Variants in CCNB3 observed in about 807,000 individuals in gnomAD.
CCNB3 encodes the protein G2/mitotic-specific cyclin-B3.
Under a neutral mutation model 68.0 loss-of-function variants are expected in CCNB3, and 12 were observed. That is an observed-to-expected ratio of 0.18 (90% confidence interval 0.11 to 0.29). CCNB3 has a LOEUF of 0.29. CCNB3 is among the 10% of genes least tolerant of loss of function. The probability of loss-of-function intolerance (pLI) is 1.00; values close to 1 mark genes in which losing one functional copy is unlikely to be tolerated. For synonymous variants in CCNB3, 354 were observed against 388.9 expected (o/e 0.91, Z 1.06); for missense variants, 904 against 993.1 (o/e 0.91, Z 1.21).
intron 8 of CCNB3, among the ~76,000 whole-genome samples, chrX:50,315,906 C>T (rs1341388225): frequency 9.0e-6 from 1 of 111,638 alleles, no homozygotes; most frequent in Non-Finnish European, 1.9e-5. Flanking sequence ...CCGTAATTCC[C>T]TTGAGATCCA....
chrX:50,279,134 C>CA (rs1335235277), intron 1 of CCNB3, among the ~76,000 whole-genome samples: 6 of 52,177 alleles, frequency 1.1e-4, no homozygotes, highest in Non-Finnish European at 1.9e-4. Context: ...ATATTATATT[C>CA]ATATATAAAT....
chrX:50,216,599 A>G (rs1219148378), intron 1 of CCNB3, among the ~76,000 whole-genome samples: 2 of 111,716 alleles, frequency 1.8e-5, no homozygotes, highest in Admixed American at 9.5e-5. Flanking sequence ...CACTTTGCCA[A>G]TATCTGTCTT....
intron 8 of CCNB3, among the ~76,000 whole-genome samples, chrX:50,335,867 A>T (rs900282476): frequency 9.8e-5 from 11 of 111,769 alleles, no homozygotes; most frequent in African/African-American, 3.6e-4. Context: ...AGCAAAGGCA[A>T]GGGACAGTCA....
intron 1 of CCNB3, among the ~76,000 whole-genome samples, chrX:50,279,709 T>C (rs963600623): frequency 2.2e-5 from 2 of 91,675 alleles, no homozygotes; most frequent in African/African-American, 3.9e-5. Flanking sequence ...TGTGAATATG[T>C]ATATTCATAT....
At chrX:50,345,010 T>G (rs1489634646) in intron 9 of CCNB3, among the ~76,000 whole-genome samples, 1 of 109,445 alleles carries the variant, frequency 9.1e-6, no homozygotes, top group Non-Finnish European at 1.9e-5. Context: ...CCTCCCCAGC[T>G]CCTGCCTTCC....
chrX:50,309,141 G>T lies in CCNB3; in HGVS notation c.972G>T (p.Glu324Asp), dbSNP rs3810683. ...SSIKKPTTEKETLFQELSVLQ... is the reference protein window; with the variant it reads ...SSIKKPTTEKDTLFQELSVLQ... Reference sequence around the variant, plus strand: ...TTAAGAAGCCTACCACTGAGAAGGAGACACTTTTCCAAGAGCTATCTGTAT... The same window carrying T: ...TTAAGAAGCCTACCACTGAGAAGGATACACTTTTCCAAGAGCTATCTGTAT... The change falls in exon 6 of 13, where the codon GAG becomes GAT. Residue 324 changes from glutamate to aspartate, a missense_variant. Coordinates refer to ENST00000376042, the MANE Select transcript of CCNB3 (RefSeq NM_033031.3). 8.3e-7 allele frequency: 1 copy of T among 1,211,210 alleles called. No individual in the cohort carries two copies. Among genetic ancestry groups the T allele is most frequent in the East Asian group, 3.0e-5 (1 of 33,832 alleles).
At chrX:50,279,693 CAT>C (rs1292590653) in intron 1 of CCNB3, among the ~76,000 whole-genome samples, 36 of 86,211 alleles carry the variant, frequency 4.2e-4, no homozygotes, top group Admixed American at 1.4e-3. Flanking sequence ...TCTATGCAAA[CAT>C]ATATGTGAAT....
intron 1 of CCNB3, among the ~76,000 whole-genome samples, chrX:50,226,904 AATATATAGTATATATATAGAAT>A (rs1935848128): frequency 0.025 from 1,349 of 54,214 alleles, 124 homozygotes; most frequent in African/African-American, 0.1. Context: ...ATATATATAG[AATATATAGTATATATATAGAAT>A]ATATATAGTA....
At chrX:50,307,320 T>C (rs1171897674) in intron 5 of CCNB3, among the ~76,000 whole-genome samples, 1 of 111,543 alleles carries the variant, frequency 9.0e-6, no homozygotes, top group African/African-American at 3.3e-5. Flanking sequence ...GGAGATATTA[T>C]GATCCTCATT....
chrX:50,291,953 T>C (rs1481281071), intron 4 of CCNB3, among the ~76,000 whole-genome samples: 4 of 111,520 alleles, frequency 3.6e-5, no homozygotes, highest in Non-Finnish European at 5.6e-5. Context: ...TTCAAATTTA[T>C]GAAGTGTTGC....
chrX:50,350,550 G>A (rs1923621789), intron 11 of CCNB3, among the ~76,000 whole-genome samples: 1 of 111,813 alleles, frequency 8.9e-6, no homozygotes, highest in Admixed American at 9.5e-5. Flanking sequence ...AGTTCATGTT[G>A]GCTGTGGAGT....
intron 8 of CCNB3, among the ~76,000 whole-genome samples, chrX:50,322,293 A>G (rs1922059893): frequency 1.8e-5 from 2 of 110,870 alleles, no homozygotes; most frequent in Admixed American, 1.9e-4. Context: ...CTGATCTTTG[A>G]CAAACCTGAC....
At chrX:50,345,423 G>A (rs905849120) in intron 9 of CCNB3, among the ~76,000 whole-genome samples, 1 of 100,876 alleles carries the variant, frequency 9.9e-6, no homozygotes. Flanking sequence ...TCCCTCCCTC[G>A]GTGGCTTGCT....
At chrX:50,205,716 G>A (rs1935346726) in intron 1 of CCNB3, among the ~76,000 whole-genome samples, 1 of 111,631 alleles carries the variant, frequency 9.0e-6, no homozygotes, top group Non-Finnish European at 1.9e-5. Context: ...AGCACTTTGG[G>A]AGGCTGAGGC....
rs1278381967 is a variant in CCNB3, at chrX:50,227,339, C to A, written c.-113+22389C>A. 7.1e-5 allele frequency among the ~76,000 whole-genome samples: 5 copies of A among 70,830 alleles called. No homozygotes were observed. In the Admixed American group the frequency reaches 8.4e-4, roughly 12 times the overall value. The allele number at this position is 70,830 out of a possible 115,157, so 61.5% of individuals were successfully genotyped here. A position where few individuals can be genotyped will look rare whatever the true frequency, so the allele number is the denominator to read the frequency against. Reference sequence around the variant, plus strand: ...TACAGAATATATATAAATATACACACAGAATATATATATAAATATACTCAC... The same window carrying A: ...TACAGAATATATATAAATATACACAAAGAATATATATATAAATATACTCAC... On this transcript the variant is annotated intron_variant, in intron 1 of 12. Coordinates refer to ENST00000376042, the MANE Select transcript of CCNB3 (RefSeq NM_033031.3).
At chrX:50,301,028 A>G (rs1253637677) in intron 5 of CCNB3, among the ~76,000 whole-genome samples, 1 of 108,931 alleles carries the variant, frequency 9.2e-6, no homozygotes, top group Admixed American at 9.8e-5. Flanking sequence ...CTAGTTAGCC[A>G]TTCGTCTATT....
At chrX:50,322,494 T>C (rs2147077356) in intron 8 of CCNB3, among the ~76,000 whole-genome samples, 1 of 111,516 alleles carries the variant, frequency 9.0e-6, no homozygotes, top group South Asian at 3.8e-4. Context: ...GGCAATACCA[T>C]TCAGGACATA....
chrX:50,290,011 G>A (rs185893411), intron 4 of CCNB3, among the ~76,000 whole-genome samples: 84 of 111,824 alleles, frequency 7.5e-4, no homozygotes, highest in Non-Finnish European at 1.4e-3. Context: ...GGTAGAAAGA[G>A]CCCCTTCCCA....
intron 1 of CCNB3, among the ~76,000 whole-genome samples, chrX:50,223,887 C>T (rs1935712007): frequency 8.9e-6 from 1 of 112,139 alleles, no homozygotes; most frequent in Admixed American, 9.5e-5. Context: ...CCCTCAGGTG[C>T]TCTGTCCCAG....
Sources: gnomAD v4.1 joint callset for allele counts (sites outside exome capture counted in the v4.1 genomes callset) on GRCh38, gnomAD v4.1.1 for gene constraint, MANE v1.5 for transcripts, NCBI Gene and HGNC (gene_info 2026-07-23, HGNC 2026-07-21) for gene names.